The following IL36B variants were observed in gnomAD, a reference collection of about 807,000 sequenced individuals.
IL36B encodes the protein interleukin 36 beta, also known as interleukin-36 beta.
A neutral mutation model predicts 19.3 loss-of-function variants in IL36B; 23 were observed. That is an observed-to-expected ratio of 1.19 (90% CI 0.86 to 1.69). IL36B has a LOEUF of 1.69. IL36B is among the 40% of genes most tolerant of loss of function. The pLI is 0.00. For missense variants in IL36B, 217 were observed against 200.5 expected (o/e 1.08, Z -0.50); for synonymous variants, 59 against 59.7 (o/e 0.99, Z 0.05).
intron 1 of IL36B, among the ~76,000 whole-genome samples, chr2:113,040,713 A>T (rs1685240666): frequency 6.6e-6 from 1 of 152,228 alleles, no homozygotes; most frequent in Admixed American, 6.5e-5. Flanking sequence ...AAAAACTACA[A>T]AGTGTTACTG....
intron 1 of IL36B, among the ~76,000 whole-genome samples, chr2:113,039,369 T>A (rs1270184876): frequency 6.6e-6 from 1 of 152,174 alleles, no homozygotes; most frequent in African/African-American, 2.4e-5. Flanking sequence ...GCAACCACCC[T>A]CACCGTGGCA....
intron 3 of IL36B, 26 bp downstream of exon 3, chr2:113,031,022 C>T: frequency 1.3e-6 from 2 of 1,513,524 alleles, no homozygotes; most frequent in African/African-American, 1.4e-5. Context: ...CCTCAAGAAG[C>T]AACAGTGGGT....
intron 4 of IL36B, chr2:113,028,029 G>T: frequency 6.2e-7 from 1 of 1,614,160 alleles, no homozygotes; most frequent in Non-Finnish European, 8.5e-7. Flanking sequence ...CTGACTGAAA[G>T]ACAGAAGTGG....
At position 113,031,153 on chromosome 2, in the gene IL36B, C is replaced by T. The variant is rs267598839; in HGVS notation, c.16G>A (p.Glu6Lys). The T allele has an allele frequency of 6.2e-7, 1 of 1,612,128 alleles. No individual in the cohort carries two copies. Among genetic ancestry groups the T allele is most frequent in the Non-Finnish European group, 8.5e-7 (1 of 1,178,154 alleles). Residue 6 changes from glutamate to lysine, a missense_variant and splice_region_variant, in exon 3 of 6, where the codon GAG (glutamate) becomes AAG (lysine). Glu to Lys is a moderately conservative substitution (Grantham distance 56). Coordinates refer to ENST00000259213, the MANE Select transcript of IL36B (RefSeq NM_014438.5). ...ATAGCATAGGATTTGGGTGCTGCCTCCCCTGCCAGATGACAAAAATGCACA... is the reference window on the plus strand; with the variant it reads ...ATAGCATAGGATTTGGGTGCTGCCTTCCCTGCCAGATGACAAAAATGCACA...
chr2:113,028,217 G>T, intron 4 of IL36B, 102 bp from the exon 5 acceptor site: 1 of 901,922 alleles, frequency 1.1e-6, no homozygotes, highest in Non-Finnish European at 1.8e-6. Flanking sequence ...TGCCCCCAAA[G>T]GAAGGGACAG....
At chr2:113,025,348 A>C (rs920890168) in intron 5 of IL36B, among the ~76,000 whole-genome samples, 3 of 152,158 alleles carry the variant, frequency 2.0e-5, no homozygotes, top group African/African-American at 7.2e-5. Flanking sequence ...CCCTGATATA[A>C]TGCAAGATTC....
intron 1 of IL36B, among the ~76,000 whole-genome samples, chr2:113,049,606 C>T (rs1685407254): frequency 6.6e-6 from 1 of 152,178 alleles, no homozygotes; most frequent in South Asian, 2.1e-4. Flanking sequence ...ATTTCACACC[C>T]ATTAAGATGG....
chr2:113,039,680 A>G (rs1685221473), intron 1 of IL36B, among the ~76,000 whole-genome samples: 1 of 152,228 alleles, frequency 6.6e-6, no homozygotes, highest in Admixed American at 6.5e-5. Flanking sequence ...AGCAAAGAAA[A>G]AATTAAAGCA....
intron 1 of IL36B, among the ~76,000 whole-genome samples, chr2:113,035,605 C>T (rs528780304): frequency 6.6e-6 from 1 of 151,828 alleles, no homozygotes; most frequent in Admixed American, 6.6e-5. Context: ...AATATAGCAA[C>T]ATCGAAAGTA....
intron 1 of IL36B, among the ~76,000 whole-genome samples, chr2:113,032,360 G>C (rs1243393465): frequency 2.0e-5 from 3 of 152,024 alleles, no homozygotes; most frequent in Admixed American, 2.0e-4. Flanking sequence ...TGACTATTAG[G>C]GATCATCTGC....
chr2:113,052,306 C>G (rs1196542468), intron 1 of IL36B, among the ~76,000 whole-genome samples: 2 of 152,100 alleles, frequency 1.3e-5, no homozygotes, highest in Non-Finnish European at 2.9e-5. Flanking sequence ...TCCTTCATTC[C>G]CCCAGCCTCG....
Position 113,026,215 on chromosome 2 carries a change from A to G in IL36B, c.279T>C (p.Asp93=). The change falls in exon 5 of 6, where the codon GAT becomes GAC. Residue 93 remains aspartate, a synonymous_variant. Transcript: ENST00000259213. ...TCCAGCAAGTGTCCTTCCCTATGTT[A>G]TCTTGGGAGCCCTGAAGCTGGAAGA... 1 of 1,613,802 alleles carries G rather than the reference A, an allele frequency of 6.2e-7. No individual in the cohort carries two copies. The highest frequency in any genetic ancestry group is 8.5e-7 in the Non-Finnish European group (1 of 1,179,776).
At chr2:113,040,184 A>T (rs528548602) in intron 1 of IL36B, among the ~76,000 whole-genome samples, 186 of 152,348 alleles carry the variant, frequency 1.2e-3, no homozygotes, top group African/African-American at 4.3e-3. Context: ...CTTTTAATAG[A>T]CAAAGTATTA....
intron 1 of IL36B, among the ~76,000 whole-genome samples, chr2:113,049,249 C>T (rs1685400461): frequency 6.6e-6 from 1 of 152,056 alleles, no homozygotes; most frequent in African/African-American, 2.4e-5. Flanking sequence ...GCATATAGCA[C>T]CAAAAAATAG....
chr2:113,043,439 G>A (rs1393683013), intron 1 of IL36B, among the ~76,000 whole-genome samples: 1 of 152,086 alleles, frequency 6.6e-6, no homozygotes, highest in Non-Finnish European at 1.5e-5. Context: ...GATCAATTTT[G>A]AATTATTTTT....
At chr2:113,028,664 C>T (rs1295581901) in intron 4 of IL36B, among the ~76,000 whole-genome samples, 2 of 152,130 alleles carry the variant, frequency 1.3e-5, no homozygotes, top group Non-Finnish European at 2.9e-5. Flanking sequence ...TTAAACAGGA[C>T]CGAGAATGGA....
intron 1 of IL36B, among the ~76,000 whole-genome samples, chr2:113,036,003 C>T (rs1685161573): frequency 6.6e-6 from 1 of 152,136 alleles, no homozygotes; most frequent in Admixed American, 6.6e-5. Context: ...AATGCAGTGG[C>T]GCGATCTTGG....
At position 113,022,120 on chromosome 2, in the gene IL36B, T is replaced by C. The variant is rs184098411; in HGVS notation, c.*554A>G. The C allele has an allele frequency of 6.6e-6, 1 of 152,416 alleles. No individual in the cohort carries two copies. The highest frequency in any genetic ancestry group is 2.4e-5 in the African/African-American group (1 of 41,600). 9.4% of individuals were successfully genotyped at this position (152,416 alleles called of 1,614,324 possible). A position where few individuals can be genotyped will look rare whatever the true frequency, so the allele number is the denominator to read the frequency against. ...GGGAAAAACTAGTTTATTTTACCAG[T>C]GTAAGATTATAGAATTTTTAAGAAG... On this transcript the variant is annotated 3_prime_UTR_variant, in exon 6 of 6. Coordinates refer to ENST00000259213, the MANE Select transcript of IL36B (RefSeq NM_014438.5).
At chr2:113,049,497 C>T (rs971749099) in intron 1 of IL36B, among the ~76,000 whole-genome samples, 1 of 152,108 alleles carries the variant, frequency 6.6e-6, no homozygotes, top group African/African-American at 2.4e-5. Context: ...AGACATTTCT[C>T]CAAATAATAT....
Sources: gnomAD v4.1 joint callset for allele counts (sites outside exome capture counted in the v4.1 genomes callset) on GRCh38, gnomAD v4.1.1 for gene constraint, MANE v1.5 for transcripts, NCBI Gene and HGNC (gene_info 2026-07-23, HGNC 2026-07-21) for gene names.